FBXO42: variants seen among roughly 807,000 people sequenced by gnomAD.
FBXO42 encodes F-box only protein 42.
FBXO42 carries 12 observed loss-of-function variants against 71.7 expected under a neutral mutation model. That is an observed-to-expected ratio of 0.17 (90% confidence interval 0.11 to 0.27). The LOEUF (loss-of-function observed/expected upper bound fraction) is 0.27, where lower values mean the gene tolerates loss of function less well. Among genes scored for constraint, FBXO42 ranks in the 10% least tolerant of loss-of-function variants. FBXO42 has a pLI of 1.00. For synonymous variants in FBXO42, 325 were observed against 327.5 expected (o/e 0.99, Z 0.08); for missense variants, 707 against 911.9 (o/e 0.78, Z 2.89).
rs1229018093 is a variant in FBXO42 at position 16,352,450 on chromosome 1, C to G, written c.-213G>C. 2 of 398,634 alleles carry G rather than the reference C, an allele frequency of 5.0e-6. No homozygotes were observed. Among genetic ancestry groups the G allele is most frequent in the Non-Finnish European group, 8.8e-6 (2 of 226,344 alleles). The allele number at this position is 398,634 out of a possible 1,614,324, so 24.7% of individuals were successfully genotyped here. ...TCAAACGCCGCCGCCGCCGCAGCTG[C>G]TGCTGCTCAGGCCGGGAGAAGACAG... is the stretch of plus-strand genomic sequence containing the variant. On this transcript the variant is annotated 5_prime_UTR_variant, in exon 1 of 10. Transcript: ENST00000375592.
chr1:16,263,808 T>TC (rs1491330092), intron 4 of FBXO42, among the ~76,000 whole-genome samples: 1 of 61,936 alleles, frequency 1.6e-5, no homozygotes, highest in East Asian at 3.2e-4. Context: ...ATACATTAAC[T>TC]TTTTTTTTTT....
Position 16,305,824 on chromosome 1 carries a change from T to C in FBXO42, c.346A>G (p.Ile116Val), listed in dbSNP as rs1474106757. ...SRTYPYPGTP[I>V]TQRFSHSACY... The stretch of plus-strand genomic sequence containing the variant: ...TTACTGTGCGAGAAGCGCTGAGTGA[T>C]TGGGGTTCCAGGATAAGGATAGGTA... Residue 116 changes from isoleucine (I) to valine (V), a missense_variant, in exon 3 of 10, where the codon ATC becomes GTC. Physicochemically the swap from Ile to Val is conservative, Grantham distance 29. Transcript: ENST00000375592. 4.3e-6 allele frequency: 7 copies of C among 1,614,046 alleles called. No individual in the cohort carries two copies. Among genetic ancestry groups the C allele is most frequent in the East Asian group, 2.2e-5 (1 of 44,874 alleles).
intron 5 of FBXO42, 40 bp downstream of exon 5, chr1:16,256,566 C>A (rs557927673): frequency 1.3e-6 from 2 of 1,599,694 alleles, no homozygotes; most frequent in Admixed American, 3.4e-5. Flanking sequence ...GATTTAAGGC[C>A]TTTTCTTCCA....
At position 16,247,545 on chromosome 1, in the gene FBXO42, TC is replaced by T. The variant is rs3832002; in HGVS notation, c.*3124del. 41,502 of 152,126 alleles carry T rather than the reference TC, an allele frequency of 0.27. 6,555 individuals are homozygous for T. The highest frequency in any genetic ancestry group is 0.37 in the Non-Finnish European group (24,850 of 67,978). 9.4% of individuals were successfully genotyped at this position (152,126 alleles called of 1,614,324 possible). A position where few individuals can be genotyped will look rare whatever the true frequency, so the allele number is the denominator to read the frequency against. Reference sequence around the variant, plus strand: ...TTCTTAAGTTGGTTTTCTTTCTTCCTCCTCCTCCTCCTCTTTTCTTTATTTT... The same window carrying T: ...TTCTTAAGTTGGTTTTCTTTCTTCCTCTCCTCCTCCTCTTTTCTTTATTTT... On this transcript the variant is annotated 3_prime_UTR_variant, in exon 10 of 10. Coordinates refer to ENST00000375592, the MANE Select transcript of FBXO42 (RefSeq NM_018994.3).
intron 1 of FBXO42, among the ~76,000 whole-genome samples, chr1:16,329,160 C>G (rs200191307): frequency 9.6e-6 from 1 of 103,760 alleles, no homozygotes; most frequent in African/African-American, 4.0e-5. Context: ...GAGACTCTGT[C>G]TCAAAAAAAA....
intron 4 of FBXO42, among the ~76,000 whole-genome samples, chr1:16,274,240 A>C (rs538644303): frequency 6.6e-6 from 1 of 151,868 alleles, no homozygotes; most frequent in East Asian, 1.9e-4. Context: ...CAAGAGCTGG[A>C]GCTGCGGTGA....
At chr1:16,267,837 G>A (rs1478493354) in intron 4 of FBXO42, among the ~76,000 whole-genome samples, 3 of 152,046 alleles carry the variant, frequency 2.0e-5, no homozygotes, top group African/African-American at 7.2e-5. Flanking sequence ...CAAATAACAG[G>A]AACTTTTGTA....
intron 1 of FBXO42, among the ~76,000 whole-genome samples, chr1:16,335,300 C>T (rs867581287): frequency 3.3e-5 from 5 of 151,936 alleles, no homozygotes; most frequent in African/African-American, 1.2e-4. Context: ...CCATCAAGAC[C>T]AGCTAATTTT....
At chr1:16,344,941 A>G (rs1470028343) in intron 1 of FBXO42, among the ~76,000 whole-genome samples, 1 of 151,578 alleles carries the variant, frequency 6.6e-6, no homozygotes, top group East Asian at 1.9e-4. Context: ...TCTACTAAAA[A>G]TACAAATATT....
chr1:16,343,952 CAAAA>C (rs200166365), intron 1 of FBXO42, among the ~76,000 whole-genome samples: 2 of 87,772 alleles, frequency 2.3e-5, no homozygotes, highest in Non-Finnish European at 5.0e-5. Context: ...TTTAGCATGG[CAAAA>C]AAAAAAAAAA....
rs1050176438 is a variant in FBXO42, at chr1:16,248,778, T to C, written c.*1892A>G. 6.6e-6 allele frequency: 1 copy of C among 152,200 alleles called. No individual in the cohort carries two copies. The highest frequency in any genetic ancestry group is 1.5e-5 in the Non-Finnish European group (1 of 68,048). 9.4% of individuals were successfully genotyped at this position (152,200 alleles called of 1,614,324 possible). On this transcript the variant is annotated 3_prime_UTR_variant, in exon 10 of 10. Transcript: ENST00000375592. ...AAGGGAAGTGTGGAGCTCCAAGCAG[T>C]TGGATGCCACATAAGTAGACACATG...
chr1:16,319,373 G>C (rs2082394819), intron 1 of FBXO42, among the ~76,000 whole-genome samples: 1 of 152,178 alleles, frequency 6.6e-6, no homozygotes. Flanking sequence ...TCATAAAATT[G>C]CTTCCCAGAT....
At chr1:16,324,711 G>T (rs2082436471) in intron 1 of FBXO42, among the ~76,000 whole-genome samples, 2 of 152,218 alleles carry the variant, frequency 1.3e-5, no homozygotes, top group Admixed American at 1.3e-4. Flanking sequence ...CAGCTACAGG[G>T]GGTCTGAGGT....
intron 3 of FBXO42, among the ~76,000 whole-genome samples, chr1:16,295,186 A>G (rs2082116037): frequency 6.6e-6 from 1 of 152,174 alleles, no homozygotes; most frequent in Non-Finnish European, 1.5e-5. Context: ...AAGAACACAT[A>G]ATAATTCACA....
chr1:16,335,595 G>A (rs2082545465), intron 1 of FBXO42, among the ~76,000 whole-genome samples: 1 of 152,132 alleles, frequency 6.6e-6, no homozygotes, highest in Admixed American at 6.6e-5. Flanking sequence ...GCCAGGCACA[G>A]TGGCTCATAC....
Position 16,253,681 on chromosome 1 carries a change from G to A in FBXO42, c.818C>T (p.Pro273Leu), listed in dbSNP as rs749390223. Residue 273 changes from proline to leucine, a missense_variant, in exon 7 of 10, where the codon CCG (proline) becomes CTG (leucine). Transcript: ENST00000375592. ...ATGAGGACTGGGGCCAGAGATGTTCGGCTTGGACCACGCCCACTGCTCAAG... is the reference window on the plus strand; with the variant it reads ...ATGAGGACTGGGGCCAGAGATGTTCAGCTTGGACCACGCCCACTGCTCAAG... ...LDLEQWAWSK[P>L]NISGPSPHPR... is the part of the protein sequence containing the mutation. 6.8e-6 allele frequency: 11 copies of A among 1,614,034 alleles called. No homozygotes were observed. The Middle Eastern group carries it at 4.9e-4, about 72-fold the overall frequency.
intron 2 of FBXO42, among the ~76,000 whole-genome samples, chr1:16,310,974 A>AAAACAAACAAAC (rs140818602): frequency 6.9e-6 from 1 of 145,616 alleles, no homozygotes; most frequent in African/African-American, 2.6e-5. Context: ...ACTCCATCTC[A>AAAACAAACAAAC]AAACAAACAA....
intron 3 of FBXO42, among the ~76,000 whole-genome samples, chr1:16,297,768 G>C (rs1349264791): frequency 6.6e-6 from 1 of 151,592 alleles, no homozygotes; most frequent in African/African-American, 2.4e-5. Context: ...TCAGGAGGCT[G>C]AGGCAAGAGA....
At chr1:16,292,942 G>A (rs1444953904) in intron 4 of FBXO42, 1 of 152,194 alleles carries the variant, frequency 6.6e-6, no homozygotes, top group African/African-American at 2.4e-5. Flanking sequence ...CTGTGCTACT[G>A]TACTCCAGCC....
Sources: allele counts gnomAD v4.1 joint callset (sites outside exome capture counted in the v4.1 genomes callset), GRCh38; gene constraint gnomAD v4.1.1; transcripts MANE v1.5; gene names NCBI Gene and HGNC (gene_info 2026-07-23, HGNC 2026-07-21).